The following FSTL5 variants were observed in gnomAD, a reference collection of about 807,000 sequenced individuals.
FSTL5 encodes follistatin-related protein 5.
In FSTL5, 62 loss-of-function variants were observed where a neutral mutation model predicts 89.1. That is an observed-to-expected ratio of 0.70 (90% CI 0.57 to 0.86). The LOEUF (loss-of-function observed/expected upper bound fraction) is 0.86. Ranked by LOEUF, FSTL5 falls within the 40% of genes least tolerant of loss-of-function variation. The pLI is 0.00. For missense variants in FSTL5, 1,057 were observed against 1,001.6 expected (o/e 1.06, Z -0.75); for synonymous variants, 383 against 346.2 (o/e 1.11, Z -1.18).
chr4:161,584,517 A>G (rs952000586), intron 8 of FSTL5, among the ~76,000 whole-genome samples: 2 of 152,204 alleles, frequency 1.3e-5, no homozygotes, highest in African/African-American at 2.4e-5. Context: ...TGTAACTTTT[A>G]TAAAATTCAC....
intron 5 of FSTL5, among the ~76,000 whole-genome samples, chr4:161,769,334 C>T (rs537006425): frequency 2.1e-4 from 32 of 151,950 alleles, no homozygotes; most frequent in Admixed American, 4.6e-4. Context: ...AAACTCATTC[C>T]ATGAGACCAG....
intron 3 of FSTL5, among the ~76,000 whole-genome samples, chr4:162,011,539 G>A (rs1736767171): frequency 6.6e-6 from 1 of 151,890 alleles, no homozygotes; most frequent in Non-Finnish European, 1.5e-5. Context: ...TGTCGCCCAG[G>A]CTGGAGTGCA....
intron 4 of FSTL5, among the ~76,000 whole-genome samples, chr4:161,908,763 C>T (rs193003175): frequency 6.6e-6 from 1 of 152,150 alleles, no homozygotes; most frequent in Non-Finnish European, 1.5e-5. Context: ...GTTTCATTTG[C>T]CAAAGTTTAA....
intron 4 of FSTL5, among the ~76,000 whole-genome samples, chr4:161,905,273 T>C (rs990158072): frequency 6.6e-6 from 1 of 152,162 alleles, no homozygotes; most frequent in African/African-American, 2.4e-5. Flanking sequence ...TTGGACAGTA[T>C]TGTCTTTGCT....
chr4:161,429,604 C>T (rs1403802233), intron 15 of FSTL5, among the ~76,000 whole-genome samples: 1 of 152,170 alleles, frequency 6.6e-6, no homozygotes, highest in Non-Finnish European at 1.5e-5. Flanking sequence ...TCTAAGACCA[C>T]AAGGCAGTAA....
chr4:161,761,636 T>C (rs977476771), intron 5 of FSTL5, among the ~76,000 whole-genome samples: 3 of 152,226 alleles, frequency 2.0e-5, no homozygotes, highest in Admixed American at 6.5e-5. Flanking sequence ...TTTATACTTA[T>C]CACTGGCTCT....
chr4:161,779,809 A>ATATG (rs1741585186), intron 4 of FSTL5, among the ~76,000 whole-genome samples: 4 of 60,536 alleles, frequency 6.6e-5, no homozygotes, highest in South Asian at 9.9e-4. Context: ...ATATATATAT[A>ATATG]TGTATATATA....
At chr4:161,914,391 T>C (rs907410983) in intron 4 of FSTL5, among the ~76,000 whole-genome samples, 3 of 152,090 alleles carry the variant, frequency 2.0e-5, no homozygotes, top group Non-Finnish European at 4.4e-5. Flanking sequence ...AGGGGAAAAT[T>C]TGACAGAAAT....
At chr4:161,912,685 C>T (rs1308365162) in intron 4 of FSTL5, among the ~76,000 whole-genome samples, 2 of 152,066 alleles carry the variant, frequency 1.3e-5, no homozygotes, top group Non-Finnish European at 2.9e-5. Flanking sequence ...TAGAGTAGTG[C>T]ATGGCTGAAA....
chr4:161,436,332 CT>C (rs1732560819), intron 15 of FSTL5, among the ~76,000 whole-genome samples: 2 of 152,166 alleles, frequency 1.3e-5, no homozygotes, highest in South Asian at 4.1e-4. Context: ...TTTCTTCTAA[CT>C]TTTAGGGAGG....
chr4:161,572,229 G>A (rs1245179318), intron 8 of FSTL5, among the ~76,000 whole-genome samples: 1 of 147,030 alleles, frequency 6.8e-6, no homozygotes, highest in African/African-American at 2.5e-5. Context: ...TGAGGCAGGA[G>A]AATCGTTTGA....
intron 15 of FSTL5, among the ~76,000 whole-genome samples, chr4:161,432,829 A>G (rs888402653): frequency 3.3e-5 from 5 of 152,036 alleles, no homozygotes; most frequent in African/African-American, 1.2e-4. Context: ...TAGAAAACCT[A>G]AAAGAAACGG....
At chr4:161,485,838 T>C (rs1729659044) in intron 12 of FSTL5, among the ~76,000 whole-genome samples, 1 of 152,032 alleles carries the variant, frequency 6.6e-6, no homozygotes, top group African/African-American at 2.4e-5. Flanking sequence ...GAAAGAGCCA[T>C]TAATTAAATG....
At chr4:161,661,744 T>G (rs1231177626) in intron 6 of FSTL5, among the ~76,000 whole-genome samples, 1 of 152,176 alleles carries the variant, frequency 6.6e-6, no homozygotes, top group Non-Finnish European at 1.5e-5. Flanking sequence ...TAGCTTTTAT[T>G]ATAATTGGTC....
chr4:161,513,502 G>A lies in FSTL5; in HGVS notation c.1313-3078C>T, dbSNP rs568890031. Reference sequence around the variant, plus strand: ...GGTATATACCCAAATGTGTATAAATGTATATAAATCATTCCATTATAAAGA... The same window carrying A: ...GGTATATACCCAAATGTGTATAAATATATATAAATCATTCCATTATAAAGA... On this transcript the variant is annotated intron_variant, in intron 10 of 15. Coordinates refer to ENST00000306100, the MANE Select transcript of FSTL5 (RefSeq NM_020116.5). 2.6e-4 allele frequency among the ~76,000 whole-genome samples: 39 copies of A among 152,184 alleles called. No individual in the cohort carries two copies. In the South Asian group the frequency reaches 3.3e-3, roughly 13 times the overall value.
intron 8 of FSTL5, among the ~76,000 whole-genome samples, chr4:161,583,276 C>T (rs1560965341): frequency 6.6e-6 from 1 of 152,098 alleles, no homozygotes. Context: ...TCCTGTTTCC[C>T]TGTTGAAAGG....
chr4:161,846,206 T>C (rs866764110), intron 4 of FSTL5, among the ~76,000 whole-genome samples: 31 of 152,288 alleles, frequency 2.0e-4, no homozygotes, highest in Middle Eastern at 3.4e-3. Flanking sequence ...TTATTTGCTA[T>C]AATGAAGTGA....
rs995730383 is a variant in FSTL5 at position 161,949,935 on chromosome 4, T to C, written c.161-29283A>G. 1.8e-4 allele frequency among the ~76,000 whole-genome samples: 27 copies of C among 152,146 alleles called. 1 individual carries two copies. Among genetic ancestry groups the C allele is most frequent in the Admixed American group, 6.6e-4 (10 of 15,248 alleles). ...CCATCTGGTAAATCTAAGATATTTC[T>C]ACATTTGCTTCTATTAATTGTTTTG... is the stretch of plus-strand genomic sequence containing the variant. On this transcript the variant is annotated intron_variant, in intron 3 of 15. Transcript: ENST00000306100.
chr4:161,445,404 T>C (rs1023367316), intron 15 of FSTL5, among the ~76,000 whole-genome samples: 5 of 152,028 alleles, frequency 3.3e-5, no homozygotes, highest in Non-Finnish European at 5.9e-5. Flanking sequence ...ATTTACATTA[T>C]AGACTTAAAA....
Sources: allele counts gnomAD v4.1 joint callset (sites outside exome capture counted in the v4.1 genomes callset), GRCh38; gene constraint gnomAD v4.1.1; transcripts MANE v1.5; gene names NCBI Gene and HGNC (gene_info 2026-07-23, HGNC 2026-07-21).